TSC2: variants seen among roughly 807,000 people sequenced by gnomAD.
TSC2 encodes the protein TSC complex subunit 2, also known as tuberin.
A neutral mutation model predicts 202.2 loss-of-function variants in TSC2; 29 were observed. The observed-to-expected ratio is 0.14, with a 90% CI of 0.11 to 0.20. The LOEUF (loss-of-function observed/expected upper bound fraction) is 0.20, where lower values mean the gene tolerates loss of function less well. Among genes scored for constraint, TSC2 ranks in the 10% least tolerant of loss-of-function variants. TSC2 has a pLI of 1.00. For missense variants in TSC2, 2,429 were observed against 2,420.0 expected (o/e 1.00, Z -0.08); for synonymous variants, 1,349 against 1,044.0 (o/e 1.29, Z -5.63).
At position 2,053,004 on chromosome 16, in the gene TSC2, C is replaced by T. The variant is rs2516735; in HGVS notation, c.226-338C>T. 0.032 allele frequency among the ~76,000 whole-genome samples: 4,899 copies of T among 152,268 alleles called. 148 individuals carry two copies. Among genetic ancestry groups the T allele is most frequent in the Admixed American group, 0.083 (1,270 of 15,292 alleles). ...TCTGAGACTGTCCCATGACTTCCTG[C>T]CAGCATTCCGGCAGCTCTAGTGGGA... On this transcript the variant is annotated intron_variant, in intron 3 of 41. Coordinates refer to ENST00000219476, the MANE Select transcript of TSC2 (RefSeq NM_000548.5).
intron 25 of TSC2, 35 bp from the exon 26 acceptor site, chr16:2,077,563 C>T (rs1168128499): frequency 6.2e-7 from 1 of 1,612,106 alleles, no homozygotes; most frequent in Non-Finnish European, 8.5e-7. Context: ...GAGCTGGGCT[C>T]TCTGGGGCGT....
intron 11 of TSC2, 49 bp downstream of exon 11, chr16:2,060,862 AG>A (rs779842805): frequency 4.4e-6 from 7 of 1,606,236 alleles, no homozygotes; most frequent in Admixed American, 1.7e-5. Context: ...CCAGACAGGC[AG>A]GCTCGGCCCA....
Position 2,080,335 on chromosome 16 carries a change from C to G in TSC2, c.3568C>G (p.Leu1190Val), listed in dbSNP as rs2151461483. ...KTNLAAYVPL[L>V]TQGWAEILVR... ...GAACCTGGCGGCCTATGTGCCCCTG[C>G]TGACCCAGGGCTGGGCGGAGATCCT... The change falls in exon 30 of 42, where the codon CTG becomes GTG. Residue 1190 changes from leucine (L) to valine (V), a missense_variant. Physicochemically the swap from Leu to Val is conservative, Grantham distance 32. Coordinates refer to ENST00000219476, the MANE Select transcript of TSC2 (RefSeq NM_000548.5). 1.9e-6 allele frequency: 3 copies of G among 1,612,624 alleles called. No individual in the cohort carries two copies. The highest frequency in any genetic ancestry group is 2.5e-6 in the Non-Finnish European group (3 of 1,180,002).
intron 3 of TSC2, among the ~76,000 whole-genome samples, 168 bp from the exon 4 acceptor site, chr16:2,053,174 T>C (rs748306166): frequency 5.9e-5 from 9 of 152,196 alleles, no homozygotes; most frequent in Non-Finnish European, 1.5e-5. Flanking sequence ...AAGCCTGTGG[T>C]CATCTCAGGC....
intron 33 of TSC2, 63 bp downstream of exon 33, chr16:2,083,879 T>A (rs1004935088): frequency 1.9e-6 from 3 of 1,563,642 alleles, no homozygotes; most frequent in Non-Finnish European, 2.6e-6. Flanking sequence ...GAGGCAGGGC[T>A]CTGCGTGGGT....
intron 16 of TSC2, chr16:2,068,835 A>G (rs28694801): frequency 0.58 from 84,667 of 147,028 alleles, 24,864 homozygotes; most frequent in East Asian, 0.81. Context: ...ATCGTGCCAT[A>G]GCACTCCAGC....
At chr16:2,061,706 G>C (rs996124633) in intron 11 of TSC2, 165 bp from the exon 12 acceptor site, 1 of 1,162,482 alleles carries the variant, frequency 8.6e-7, no homozygotes, top group African/African-American at 1.5e-5. Flanking sequence ...AACCCATGAG[G>C]CCCGGAGCGG....
At chr16:2,085,085 G>C in intron 35 of TSC2, 59 bp downstream of exon 35, 1 of 1,608,496 alleles carries the variant, frequency 6.2e-7, no homozygotes, top group African/African-American at 1.3e-5. Flanking sequence ...GTGAATGGTG[G>C]GGGGCCCAGC....
At chr16:2,060,906 G>A (rs2086560833) in intron 11 of TSC2, 93 bp downstream of exon 11, 1 of 1,501,724 alleles carries the variant, frequency 6.7e-7, no homozygotes, top group South Asian at 1.2e-5. Flanking sequence ...CCCATCTCTG[G>A]GGGTCCCGCA....
At chr16:2,087,477 C>T (rs938031323) in intron 38 of TSC2, among the ~76,000 whole-genome samples, 2 of 114,580 alleles carry the variant, frequency 1.7e-5, no homozygotes, top group African/African-American at 8.9e-5. Context: ...GATGCCAAGA[C>T]AACCAGTTGG....
intron 16 of TSC2, among the ~76,000 whole-genome samples, chr16:2,067,861 G>A (rs1294314248): frequency 6.6e-6 from 1 of 152,208 alleles, no homozygotes; most frequent in Admixed American, 6.5e-5. Context: ...GGGAAGGGGT[G>A]TGCTGGGCTG....
At position 2,071,881 on chromosome 16, in the gene TSC2, G is replaced by T. The variant is rs1432565227; in HGVS notation, c.2044G>T (p.Gly682Trp). Residue 682 changes from glycine (G) to tryptophan (W), a missense_variant, in exon 19 of 42, where the codon GGG becomes TGG. Transcript: ENST00000219476. ...GCCTGCAGGCCCCGCCGTGCGGCTGGGGTCCGTGCCCTACTCCCTGCTCTT... is the reference window on the plus strand; with the variant it reads ...GCCTGCAGGCCCCGCCGTGCGGCTGTGGTCCGTGCCCTACTCCCTGCTCTT... ...PAPAGPAVRL[G>W]SVPYSLLFRV... The T allele has an allele frequency of 1.3e-6, 2 of 1,597,530 alleles. No homozygotes were observed. The highest frequency in any genetic ancestry group is 2.7e-5 in the African/African-American group (2 of 74,710).
At chr16:2,072,580 C>G in intron 20 of TSC2, 2 of 825,022 alleles carry the variant, frequency 2.4e-6, no homozygotes, top group Non-Finnish European at 3.7e-6. Context: ...GGTCCCCAGC[C>G]AAGGGCATGT....
At chr16:2,077,256 C>T (rs976242023) in intron 25 of TSC2, 8 of 371,338 alleles carry the variant, frequency 2.2e-5, no homozygotes, top group African/African-American at 4.2e-5. Flanking sequence ...GCCTGCCTTC[C>T]GCGGGTGGGT....
At chr16:2,064,219 A>G in intron 14 of TSC2, 53 bp from the exon 15 acceptor site, 1 of 1,613,396 alleles carries the variant, frequency 6.2e-7, no homozygotes, top group Non-Finnish European at 8.5e-7. Context: ...AAGTGTCACG[A>G]GATGTGGCCC....
At position 2,088,339 on chromosome 16, in the gene TSC2, G is replaced by C. The variant is rs1002586051; in HGVS notation, c.5259+14G>C. The C allele has an allele frequency of 6.2e-7, 1 of 1,612,386 alleles. No homozygotes were observed. The highest frequency in any genetic ancestry group is 1.7e-5 in the Admixed American group (1 of 60,008). Reference sequence around the variant, plus strand: ...CTCCGCCAGCGGGTAGGGAATATGGGGCTCCCTCAGCGGGGTGTGCTGGCT... The same window carrying C: ...CTCCGCCAGCGGGTAGGGAATATGGCGCTCCCTCAGCGGGGTGTGCTGGCT... On this transcript the variant is annotated intron_variant, in intron 41 of 41. Coordinates refer to ENST00000219476, the MANE Select transcript of TSC2 (RefSeq NM_000548.5).
intron 9 of TSC2, among the ~76,000 whole-genome samples, chr16:2,058,117 C>T (rs1053131836): frequency 2.7e-5 from 4 of 150,362 alleles, no homozygotes; most frequent in Admixed American, 2.0e-4. Flanking sequence ...TCTCCTAGCC[C>T]TGCCTCAGCC....
intron 1 of TSC2, 62 bp from the exon 2 acceptor site, chr16:2,048,525 G>A (rs1359781676): frequency 6.2e-7 from 1 of 1,601,866 alleles, no homozygotes; most frequent in Non-Finnish European, 8.5e-7. Context: ...CTGGAGGTCC[G>A]CAGTGGGGAA....
At chr16:2,048,172 A>T (rs2084589260) in intron 1 of TSC2, 107 bp downstream of exon 1, 1 of 1,538,596 alleles carries the variant, frequency 6.5e-7, no homozygotes, top group Admixed American at 2.0e-5. Context: ...CGCCCACTGC[A>T]ACCCGACTCC....
Sources: allele counts gnomAD v4.1 joint callset (sites outside exome capture counted in the v4.1 genomes callset), GRCh38; gene constraint gnomAD v4.1.1; transcripts MANE v1.5; gene names NCBI Gene and HGNC (gene_info 2026-07-23, HGNC 2026-07-21).